The following EPRS1 variants were observed in gnomAD, a reference collection of about 807,000 sequenced individuals.
EPRS1 encodes the protein bifunctional glutamate/proline--tRNA ligase.
In EPRS1, 107 loss-of-function variants were observed where a neutral mutation model predicts 188.3. The observed-to-expected ratio is 0.57, with a 90% CI of 0.49 to 0.67. EPRS1 has a LOEUF of 0.67. Ranked by LOEUF, EPRS1 falls within the 30% of genes least tolerant of loss-of-function variation. The pLI is 0.00. For synonymous variants in EPRS1, 596 were observed against 593.1 expected, an observed-to-expected ratio of 1.00 and a Z score of -0.07; for missense variants, 1,577 against 1,802.2, an observed-to-expected ratio of 0.88 and a Z score of 2.26.
At position 219,968,917 on chromosome 1, in the gene EPRS1, A is replaced by G. The variant is rs1660615615; in HGVS notation, c.4428T>C (p.Ala1476=). 1.2e-6 allele frequency: 2 copies of G among 1,613,972 alleles called. No homozygotes were observed. The highest frequency in any genetic ancestry group is 1.7e-6 in the Non-Finnish European group (2 of 1,179,820). Residue 1476 remains alanine, a synonymous_variant, in exon 32 of 32, where the codon GCT becomes GCC. Transcript: ENST00000366923. ...GTTTGAAGGGGATGCAAAGGCTTTT[A>G]GCTCCCATGGATGGAGCACCAGGTT... The part of the protein sequence containing the change: ...DLEPGAPSMG[A]KSLCIPFKPL...
chr1:220,022,329 T>G lies in EPRS1; in HGVS notation c.1115+18A>C, dbSNP rs1661893363. 6.2e-7 allele frequency: 1 copy of G among 1,602,500 alleles called. No homozygotes were observed. The highest frequency in any genetic ancestry group is 1.3e-5 in the African/African-American group (1 of 74,600). On this transcript the variant is annotated intron_variant, in intron 9 of 31. Coordinates refer to ENST00000366923, the MANE Select transcript of EPRS1 (RefSeq NM_004446.3). ...AAGCACAGATGGCTACCTAGCATAT[T>G]GAAGGAGATATACTTACTTGTATTT...
rs780354040 is a variant in EPRS1, at chr1:220,007,153, A to C, written c.1742+49T>G. ...TAATGTTTAATAAGTAAACACAAATAAAATACTTTTCTCCTATGTTTATTT... is the reference window on the plus strand; with the variant it reads ...TAATGTTTAATAAGTAAACACAAATCAAATACTTTTCTCCTATGTTTATTT... On this transcript the variant is annotated intron_variant, in intron 14 of 31. Transcript: ENST00000366923. 4.6e-6 allele frequency: 7 copies of C among 1,506,630 alleles called. No individual in the cohort carries two copies. In the Admixed American group the frequency reaches 1.4e-4, roughly 29 times the overall value. 93.3% of individuals were successfully genotyped at this position (1,506,630 alleles called of 1,614,324 possible).
At chr1:219,995,953 T>C (rs1661223593) in intron 18 of EPRS1, among the ~76,000 whole-genome samples, 1 of 152,172 alleles carries the variant, frequency 6.6e-6, no homozygotes, top group Admixed American at 6.5e-5. Context: ...CCTAGTGGTG[T>C]ACCATACCTC....
chr1:220,024,397 C>T lies in EPRS1; in HGVS notation c.810G>A (p.Ser270=), dbSNP rs573093014. The change falls in exon 8 of 32, where the codon TCG becomes TCA. Residue 270 remains serine, a synonymous_variant. Transcript: ENST00000366923. ...HIKPDQFTYT[S]DHFETIMKYA... is the part of the protein sequence containing the mutation. ...ACTTCATTATAGTTTCAAAATGATC[C>T]GAAGTATAAGTAAATTGATCTGGTT... 7.1e-5 allele frequency: 115 copies of T among 1,611,882 alleles called. No homozygotes were observed. In the South Asian group the frequency reaches 8.3e-4, roughly 12 times the overall value.
At chr1:220,036,277 T>C (rs1473082091) in intron 2 of EPRS1, among the ~76,000 whole-genome samples, 1 of 152,188 alleles carries the variant, frequency 6.6e-6, no homozygotes, top group Non-Finnish European at 1.5e-5. Context: ...AGTATGGCAT[T>C]TTCTCAAAGA....
rs115279917 is a variant in EPRS1 at position 220,008,153 on chromosome 1, G to A, written c.1606-815C>T. ...AAAAAAAAGATAAAAGAATCTCACT[G>A]CTTCTGCAGCAAAGGAGAAAATAAG... On this transcript the variant is annotated intron_variant, in intron 13 of 31. Transcript: ENST00000366923. 5.0e-3 allele frequency among the ~76,000 whole-genome samples: 761 copies of A among 150,932 alleles called. 5 individuals are homozygous for A. The highest frequency in any genetic ancestry group is 0.018 in the African/African-American group (739 of 40,966).
In EPRS1 at chr1:220,014,206, T is replaced by C. The variant is rs1661657780; in HGVS notation, c.1495-3150A>G. On this transcript the variant is annotated intron_variant, in intron 12 of 31. Coordinates refer to ENST00000366923, the MANE Select transcript of EPRS1 (RefSeq NM_004446.3). ...AGCTGGGCGTGGTGGCAGGCACATG[T>C]AATCCCAGCTACTCGGGAGGCTGAA... 2.6e-5 allele frequency among the ~76,000 whole-genome samples: 4 copies of C among 151,986 alleles called. No individual in the cohort carries two copies. In the South Asian group the frequency reaches 8.3e-4, roughly 32 times the overall value.
intron 1 of EPRS1, among the ~76,000 whole-genome samples, chr1:220,041,578 C>A (rs191891867): frequency 3.1e-4 from 47 of 151,380 alleles, no homozygotes; most frequent in African/African-American, 8.7e-4. Flanking sequence ...CAGTGGTTCA[C>A]GCCTATAATC....
rs755208005 is a variant in EPRS1 at position 220,018,491 on chromosome 1, G to A, written c.1452C>T (p.Val484=). The change falls in exon 12 of 32, where the codon GTC becomes GTT. Residue 484 remains valine (V), a synonymous_variant. Coordinates refer to ENST00000366923, the MANE Select transcript of EPRS1 (RefSeq NM_004446.3). ...AGATTTTGTCCCACTCCATGTTCAC[G>A]ACTGAACGTGAGGAGCCCTAAAAAA... The part of the protein sequence containing the change: ...FIAAQGSSRS[V]VNMEWDKIWA... 5.0e-6 allele frequency: 8 copies of A among 1,610,262 alleles called. No homozygotes were observed. In the South Asian group the frequency reaches 5.5e-5, roughly 11 times the overall value.
intron 4 of EPRS1, 27 bp from the exon 5 acceptor site, chr1:220,032,553 T>C (rs1479318295): frequency 6.2e-7 from 1 of 1,609,836 alleles, no homozygotes; most frequent in African/African-American, 1.3e-5. Context: ...TTTTAAACTA[T>C]TCAATAAATC....
At position 219,981,364 on chromosome 1, in the gene EPRS1, G is replaced by A. The variant is rs1660895258; in HGVS notation, c.3453+14C>T. 12 of 1,533,234 alleles carry A rather than the reference G, an allele frequency of 7.8e-6. No homozygotes were observed. The highest frequency in any genetic ancestry group is 1.7e-4 in the Middle Eastern group (1 of 5,834). 95.0% of individuals were successfully genotyped at this position (1,533,234 alleles called of 1,614,324 possible). A position where few individuals can be genotyped will look rare whatever the true frequency, so the allele number is the denominator to read the frequency against. On this transcript the variant is annotated intron_variant, in intron 24 of 31. Transcript: ENST00000366923. ...ATGAATAATAATAGAATACAAGAGG[G>A]GGTGAATACCTACCACCACATTGCA...
intron 12 of EPRS1, among the ~76,000 whole-genome samples, chr1:220,014,751 T>C (rs1383058444): frequency 6.7e-6 from 1 of 149,614 alleles, no homozygotes; most frequent in Non-Finnish European, 1.5e-5. Context: ...TGAAGCTCAG[T>C]TGAAAGCCCA....
rs1271926767 is a variant in EPRS1 at position 219,987,382 on chromosome 1, T to C, written c.2798A>G (p.Gln933Arg). 1.1e-5 allele frequency: 17 copies of C among 1,609,826 alleles called. No homozygotes were observed. The South Asian group carries it at 1.7e-4, about 16-fold the overall frequency. Residue 933 changes from glutamine to arginine, a missense_variant, in exon 20 of 32, where the codon CAA (glutamine) becomes CGA (arginine). By Grantham distance (43) the Gln-to-Arg change is conservative. Transcript: ENST00000366923. Reference sequence around the variant, plus strand: ...CTGTGCCTTTAGCTGAAGGAGTTCTTGAACAGCTATATCTACTTGATCCTT... The same window carrying C: ...CTGTGCCTTTAGCTGAAGGAGTTCTCGAACAGCTATATCTACTTGATCCTT... The part of the protein sequence containing the change: ...APKDQVDIAV[Q>R]ELLQLKAQYK...
At chr1:220,005,816 CGTTTTTTTTTTT>C (rs772635045) in intron 15 of EPRS1, among the ~76,000 whole-genome samples, 41 of 122,880 alleles carry the variant, frequency 3.3e-4, no homozygotes, top group Non-Finnish European at 5.6e-4. Flanking sequence ...TTACTTACAT[CGTTTTTTTTTTT>C]GTTTTTTTTT....
At chr1:219,983,995 T>C (rs1362458132) in intron 21 of EPRS1, among the ~76,000 whole-genome samples, 1 of 150,994 alleles carries the variant, frequency 6.6e-6, no homozygotes, top group East Asian at 1.9e-4. Flanking sequence ...AAAAAAAAAA[T>C]CAATCACTAT....
At position 220,007,343 on chromosome 1, in the gene EPRS1, T is replaced by C. The variant is rs779300480; in HGVS notation, c.1606-5A>G. The stretch of plus-strand genomic sequence containing the variant: ...CTTCAAGCCAACCTCAGGATTCTGA[T>C]TGATAAAGAAAAGCAGAGTGTCTGT... On this transcript the variant is annotated splice_polypyrimidine_tract_variant and splice_region_variant and intron_variant, in intron 13 of 31. Transcript: ENST00000366923. The C allele has an allele frequency of 7.5e-6, 12 of 1,602,516 alleles. No individual in the cohort carries two copies. The highest frequency in any genetic ancestry group is 1.7e-4 in the Middle Eastern group (1 of 6,004).
chr1:220,037,916 TA>T (rs1662218080), intron 2 of EPRS1, among the ~76,000 whole-genome samples: 1 of 152,080 alleles, frequency 6.6e-6, no homozygotes. Flanking sequence ...GGCTCAGTAG[TA>T]AATAAAACTT....
At position 219,968,955 on chromosome 1, in the gene EPRS1, C is replaced by A. The variant is rs532343740; in HGVS notation, c.4390G>T (p.Asp1464Tyr). The change falls in exon 32 of 32, where the codon GAT (aspartate) becomes TAT (tyrosine). Residue 1464 changes from aspartate to tyrosine, a missense_variant and splice_region_variant. Asp to Tyr is a radical substitution (Grantham distance 160). This residue lies in a region of EPRS1 where 296 missense variants were observed against 327.9 expected (regional missense o/e 0.90). Transcript: ENST00000366923. ...EDWIKKTTAR[D>Y]QDLEPGAPSM... is the part of the protein sequence containing the mutation. ...GGAGCACCAGGTTCAAGATCTTGAT[C>A]CCTGAAATTAATAACAAATAAGAAT... 5 of 1,613,968 alleles carry A rather than the reference C, an allele frequency of 3.1e-6. No homozygotes were observed. In the African/African-American group the frequency reaches 6.7e-5, roughly 22 times the overall value.
intron 25 of EPRS1, 43 bp from the exon 26 acceptor site, chr1:219,980,283 T>C (rs550854491): frequency 1.3e-6 from 2 of 1,494,140 alleles, no homozygotes; most frequent in African/African-American, 1.4e-5. Flanking sequence ...TTAGGGTACA[T>C]TTATTCATTA....
Sources: gnomAD v4.1 joint callset for allele counts (sites outside exome capture counted in the v4.1 genomes callset) on GRCh38, gnomAD v4.1.1 for gene constraint, gnomAD v4.1.1 regional missense constraint, MANE v1.5 for transcripts, NCBI Gene and HGNC (gene_info 2026-07-23, HGNC 2026-07-21) for gene names.